The following NUFIP2 variants were observed in gnomAD, a reference collection of about 807,000 sequenced individuals.
The protein encoded by NUFIP2 is nuclear FMR1 interacting protein 2.
A neutral mutation model predicts 56.9 loss-of-function variants in NUFIP2; 6 were observed. The ratio of observed to expected loss-of-function variants is 0.11; its 90% confidence interval spans 0.06 to 0.21. NUFIP2 has a LOEUF of 0.21. Ranked by LOEUF, NUFIP2 falls within the 10% of genes least tolerant of loss-of-function variation. The pLI, the probability that NUFIP2 is intolerant of heterozygous loss-of-function variation, is 1.00. For synonymous variants in NUFIP2, 321 were observed against 298.2 expected (o/e 1.08, Z -0.79); for missense variants, 828 against 826.8 (o/e 1.00, Z -0.02).
chr17:29,293,671 AC>A, intron 1 of NUFIP2, 111 bp downstream of exon 1: 1 of 585,144 alleles, frequency 1.7e-6, no homozygotes, highest in Non-Finnish European at 2.4e-6. Context: ...GCCGGAGGGG[AC>A]ACACACACAC....
chr17:29,286,390 G>A lies in NUFIP2; in HGVS notation c.1604C>T (p.Thr535Ile), dbSNP rs1226274483. ...AGTAGCAGGATATTCTCCTTGAAAT[G>A]TCACCTCCATCACTTTATGCTCTGA... ...KSSEHKVMEV[T>I]FQGEYPATLV... The change falls in exon 2 of 4, where the codon ACA (threonine) becomes ATA (isoleucine). Residue 535 changes from threonine to isoleucine, a missense_variant. This residue lies in a region of NUFIP2 where 404 missense variants were observed against 380.3 expected (regional missense o/e 1.06). Transcript: ENST00000225388. 6.2e-7 allele frequency: 1 copy of A among 1,614,168 alleles called. No homozygotes were observed. Among genetic ancestry groups the A allele is most frequent in the African/African-American group, 1.3e-5 (1 of 75,030 alleles).
At chr17:29,267,992 G>A (rs911282632) in intron 2 of NUFIP2, among the ~76,000 whole-genome samples, 1 of 152,028 alleles carries the variant, frequency 6.6e-6, no homozygotes, top group Non-Finnish European at 1.5e-5. Context: ...TCCGCCTCTC[G>A]GGTTCCAGCG....
intron 2 of NUFIP2, among the ~76,000 whole-genome samples, chr17:29,285,548 G>C (rs1424230827): frequency 6.7e-6 from 1 of 149,106 alleles, no homozygotes; most frequent in Non-Finnish European, 1.5e-5. Flanking sequence ...CCGGGATTAC[G>C]CCACTGCACT....
At chr17:29,278,158 T>C (rs1390197814) in intron 2 of NUFIP2, among the ~76,000 whole-genome samples, 4 of 152,208 alleles carry the variant, frequency 2.6e-5, no homozygotes. Flanking sequence ...AGAAGAATTA[T>C]CCAGACTACT....
intron 2 of NUFIP2, among the ~76,000 whole-genome samples, chr17:29,283,819 AAAC>A (rs1314705039): frequency 6.6e-6 from 1 of 152,244 alleles, no homozygotes; most frequent in East Asian, 1.9e-4. Flanking sequence ...ACATTGCTAA[AAAC>A]AACCAACTCC....
At chr17:29,278,483 T>G (rs1013353127) in intron 2 of NUFIP2, among the ~76,000 whole-genome samples, 5 of 152,026 alleles carry the variant, frequency 3.3e-5, no homozygotes, top group African/African-American at 1.2e-4. Flanking sequence ...CCTGACCTCG[T>G]GATCTGCCCG....
At position 29,289,549 on chromosome 17, in the gene NUFIP2, G is replaced by A. The variant is rs552534943; in HGVS notation, c.278-1833C>T. Among the ~76,000 whole-genome samples, 5 of 152,198 alleles carry A rather than the reference G, an allele frequency of 3.3e-5. No homozygotes were observed. In the East Asian group the frequency reaches 9.6e-4, roughly 29 times the overall value. The stretch of plus-strand genomic sequence containing the variant: ...AGAGGTTGCAGTGAGCCCACATTGG[G>A]CCACTGCACCCCAGCCTGGGCAACA... On this transcript the variant is annotated intron_variant, in intron 1 of 3. Coordinates refer to ENST00000225388, the MANE Select transcript of NUFIP2 (RefSeq NM_020772.3).
intron 2 of NUFIP2, among the ~76,000 whole-genome samples, chr17:29,279,951 G>A (rs1054268262): frequency 5.3e-5 from 8 of 151,856 alleles, no homozygotes; most frequent in Admixed American, 2.6e-4. Flanking sequence ...CCCAATTAGC[G>A]GAGACTACAG....
Position 29,286,103 on chromosome 17 carries a change from T to C in NUFIP2, c.1891A>G (p.Thr631Ala), listed in dbSNP as rs201517155. The change falls in exon 2 of 4, where the codon ACG becomes GCG. Residue 631 changes from threonine (T) to alanine (A), a missense_variant. Transcript: ENST00000225388. ...IESQNPLASPTNTLLGSAKEQ... is the reference protein window; with the variant it reads ...IESQNPLASPANTLLGSAKEQ... The stretch of plus-strand genomic sequence containing the variant: ...TTGGCAGAGCCTAACAAAGTGTTCG[T>C]AGGAGAGGCCAGAGGATTTTGACTT... 6.8e-6 allele frequency: 11 copies of C among 1,614,096 alleles called. No individual in the cohort carries two copies. Among genetic ancestry groups the C allele is most frequent in the South Asian group, 5.5e-5 (5 of 91,082 alleles).
In NUFIP2 at chr17:29,257,167, G is replaced by A. The variant is rs1194865849; in HGVS notation, c.*7372C>T. ...TTTAATAGATACAAGTCAAGCTCTC[G>A]TTTAAATTGAACTTTATTAAAATAG... is the stretch of plus-strand genomic sequence containing the variant. On this transcript the variant is annotated 3_prime_UTR_variant, in exon 4 of 4. Transcript: ENST00000225388. The A allele has an allele frequency of 1.3e-5, 2 of 152,122 alleles. No homozygotes were observed. Among genetic ancestry groups the A allele is most frequent in the African/African-American group, 2.4e-5 (1 of 41,412 alleles). 9.4% of individuals were successfully genotyped at this position (152,122 alleles called of 1,614,324 possible).
Position 29,257,516 on chromosome 17 carries a change from ATCT to A in NUFIP2, c.*7020_*7022del, listed in dbSNP as rs766557467. 6 of 151,852 alleles carry A rather than the reference ATCT, an allele frequency of 4.0e-5. No individual in the cohort carries two copies. The highest frequency in any genetic ancestry group is 1.2e-4 in the African/African-American group (5 of 41,302). 9.4% of individuals were successfully genotyped at this position (151,852 alleles called of 1,614,324 possible). ...ACAAGTCACATTAGGGAAAATTCAG[ATCT>A]TTTTTTTTTTTAATGACAAGAATTG... is the stretch of plus-strand genomic sequence containing the variant. On this transcript the variant is annotated 3_prime_UTR_variant, in exon 4 of 4. Transcript: ENST00000225388.
chr17:29,270,964 TAAC>T (rs1231218429), intron 2 of NUFIP2, among the ~76,000 whole-genome samples: 3 of 152,190 alleles, frequency 2.0e-5, no homozygotes, highest in Admixed American at 1.3e-4. Context: ...AGAGTCACAG[TAAC>T]AACACTACTT....
chr17:29,286,427 T>C lies in NUFIP2; in HGVS notation c.1567A>G (p.Thr523Ala), dbSNP rs2069174633. 6 of 1,614,152 alleles carry C rather than the reference T, an allele frequency of 3.7e-6. No individual in the cohort carries two copies. Among genetic ancestry groups the C allele is most frequent in the Admixed American group, 1.7e-5 (1 of 60,006 alleles). ...NEPSAGPETVTGKSSEHKVME... is the reference protein window; with the variant it reads ...NEPSAGPETVAGKSSEHKVME... ...ACTTTATGCTCTGATGACTTCCCAG[T>C]AACAGTCTCAGGGCCAGCACTGGGC... Residue 523 changes from threonine to alanine, a missense_variant, in exon 2 of 4, where the codon ACT becomes GCT. By Grantham distance (58) the Thr-to-Ala change is moderately conservative (BLOSUM62 0). Around this residue, in one of 3 missense-constraint regions of NUFIP2, gnomAD observed 404 missense variants for 380.3 expected, o/e 1.06. Transcript: ENST00000225388.
intron 1 of NUFIP2, among the ~76,000 whole-genome samples, chr17:29,288,204 C>T (rs1486812204): frequency 1.3e-5 from 2 of 152,204 alleles, no homozygotes; most frequent in Admixed American, 6.5e-5. Context: ...CCACCACGCT[C>T]GGCTAATTCT....
In NUFIP2 at chr17:29,260,246, T is replaced by C. The variant is rs2068994812; in HGVS notation, c.*4293A>G. 1 of 151,990 alleles carries C rather than the reference T, an allele frequency of 6.6e-6. No individual in the cohort carries two copies. Among genetic ancestry groups the C allele is most frequent in the South Asian group, 2.1e-4 (1 of 4,816 alleles). 9.4% of individuals were successfully genotyped at this position (151,990 alleles called of 1,614,324 possible). ...CCTTTCAAATCCAACAGTTAAGTCA[T>C]GGGTAGGGTTATTAAGATACTGCCC... On this transcript the variant is annotated 3_prime_UTR_variant, in exon 4 of 4. Coordinates refer to ENST00000225388, the MANE Select transcript of NUFIP2 (RefSeq NM_020772.3).
At chr17:29,275,898 C>T (rs1300637715) in intron 2 of NUFIP2, among the ~76,000 whole-genome samples, 2 of 151,704 alleles carry the variant, frequency 1.3e-5, no homozygotes, top group African/African-American at 2.4e-5. Context: ...AGTGGTGGTG[C>T]GTGCCTGTAA....
Position 29,266,266 on chromosome 17 carries a change from C to A in NUFIP2, c.2035+1232G>T, listed in dbSNP as rs530783471. ...CCAGGCGTGAGCCACCGTGCCCAGC[C>A]TGCAGGGTGTATTTTCTAGTCTATG... is the stretch of plus-strand genomic sequence containing the variant. On this transcript the variant is annotated intron_variant, in intron 3 of 3. Coordinates refer to ENST00000225388, the MANE Select transcript of NUFIP2 (RefSeq NM_020772.3). 4.6e-5 allele frequency among the ~76,000 whole-genome samples: 7 copies of A among 152,162 alleles called. No homozygotes were observed. In the East Asian group the frequency reaches 1.2e-3, roughly 25 times the overall value.
chr17:29,292,881 C>CCGG (rs1555549641), intron 1 of NUFIP2, among the ~76,000 whole-genome samples: 1 of 81,670 alleles, frequency 1.2e-5, no homozygotes, highest in African/African-American at 4.7e-5. Flanking sequence ...CGGCCGGCGA[C>CCGG]GGGGGGGGGG....
intron 2 of NUFIP2, among the ~76,000 whole-genome samples, chr17:29,269,789 C>G (rs2069060619): frequency 6.6e-6 from 1 of 152,026 alleles, no homozygotes; most frequent in African/African-American, 2.4e-5. Context: ...GGCGCGATCT[C>G]AGCTCACTGC....
Sources: allele counts gnomAD v4.1 joint callset (sites outside exome capture counted in the v4.1 genomes callset), GRCh38; gene constraint gnomAD v4.1.1; regional missense constraint gnomAD v4.1.1; transcripts MANE v1.5; gene names NCBI Gene and HGNC (gene_info 2026-07-23, HGNC 2026-07-21).